GRIA4: variants seen among roughly 807,000 people sequenced by gnomAD.
GRIA4 encodes glutamate ionotropic receptor AMPA type subunit 4, also known as glutamate receptor 4.
In GRIA4, 34 loss-of-function variants were observed where a neutral mutation model predicts 104.0. The observed-to-expected ratio is 0.33, with a 90% confidence interval of 0.25 to 0.44. The LOEUF (loss-of-function observed/expected upper bound fraction) is 0.44. GRIA4 is among the 20% of genes least tolerant of loss of function. The probability of loss-of-function intolerance (pLI) is 1.00; values close to 1 mark genes in which losing one functional copy is unlikely to be tolerated. For synonymous variants in GRIA4, 386 were observed against 381.9 expected, an observed-to-expected ratio of 1.01 and a Z score of -0.13; for missense variants, 750 against 1,096.5, an observed-to-expected ratio of 0.68 and a Z score of 4.46.
At chr11:105,661,591 A>G (rs1167461810) in intron 3 of GRIA4, among the ~76,000 whole-genome samples, 1 of 151,752 alleles carries the variant, frequency 6.6e-6, no homozygotes, top group East Asian at 1.9e-4. Context: ...TCATACCTTT[A>G]AAGAAATTCA....
At chr11:105,897,823 G>A (rs963874703) in intron 6 of GRIA4, among the ~76,000 whole-genome samples, 14 of 152,120 alleles carry the variant, frequency 9.2e-5, no homozygotes, top group African/African-American at 2.9e-4. Context: ...GTATTTTGCT[G>A]AAGATTTTTA....
chr11:105,785,025 T>C (rs1461931426), intron 4 of GRIA4, among the ~76,000 whole-genome samples: 1 of 152,156 alleles, frequency 6.6e-6, no homozygotes, highest in Non-Finnish European at 1.5e-5. Flanking sequence ...ATTAAGCCCA[T>C]GCAGCGTTCC....
At chr11:105,647,019 C>A (rs1325500310) in intron 3 of GRIA4, among the ~76,000 whole-genome samples, 1 of 152,074 alleles carries the variant, frequency 6.6e-6, no homozygotes, top group Non-Finnish European at 1.5e-5. Flanking sequence ...GATCAGACAG[C>A]CTATAGAATG....
At chr11:105,715,289 T>C (rs1255608636) in intron 3 of GRIA4, among the ~76,000 whole-genome samples, 1 of 152,208 alleles carries the variant, frequency 6.6e-6, no homozygotes. Context: ...TTTTCTATTA[T>C]ATGACTACCT....
At chr11:105,823,079 T>A (rs1249139972) in intron 4 of GRIA4, among the ~76,000 whole-genome samples, 2 of 152,146 alleles carry the variant, frequency 1.3e-5, no homozygotes, top group Non-Finnish European at 2.9e-5. Flanking sequence ...TCAATCCCAT[T>A]TCATATTTCC....
chr11:105,780,476 C>G (rs746199013), intron 4 of GRIA4, among the ~76,000 whole-genome samples: 1 of 152,044 alleles, frequency 6.6e-6, no homozygotes, highest in Admixed American at 6.6e-5. Flanking sequence ...AAATTTAGCT[C>G]ACATTTCACA....
intron 14 of GRIA4, among the ~76,000 whole-genome samples, chr11:105,957,287 A>G (rs964557779): frequency 6.6e-6 from 1 of 152,112 alleles, no homozygotes; most frequent in Non-Finnish European, 1.5e-5. Flanking sequence ...TAATTTTTGT[A>G]TAAGGTGTAA....
chr11:105,771,278 T>C (rs1941196490), intron 4 of GRIA4, among the ~76,000 whole-genome samples: 1 of 152,112 alleles, frequency 6.6e-6, no homozygotes, highest in African/African-American at 2.4e-5. Context: ...GTCCAAAAGC[T>C]ATTTTGCACT....
chr11:105,736,578 CCT>C (rs1938961624), intron 3 of GRIA4, among the ~76,000 whole-genome samples: 1 of 151,944 alleles, frequency 6.6e-6, no homozygotes, highest in South Asian at 2.1e-4. Flanking sequence ...CTCATAAACA[CCT>C]GATATAAGTT....
intron 4 of GRIA4, among the ~76,000 whole-genome samples, chr11:105,764,237 A>C (rs1940826416): frequency 6.6e-6 from 1 of 152,128 alleles, no homozygotes; most frequent in South Asian, 2.1e-4. Context: ...CCTGGGTTCA[A>C]GTGATCCTCC....
At chr11:105,961,524 C>T (rs1264826494) in intron 14 of GRIA4, among the ~76,000 whole-genome samples, 2 of 152,132 alleles carry the variant, frequency 1.3e-5, no homozygotes, top group Non-Finnish European at 2.9e-5. Context: ...ATGAAGAGAG[C>T]ACTCCAGTGA....
chr11:105,868,093 T>C (rs931578343), intron 5 of GRIA4, among the ~76,000 whole-genome samples: 5 of 152,098 alleles, frequency 3.3e-5, no homozygotes, highest in African/African-American at 1.2e-4. Context: ...AACAGAGATA[T>C]TACAAAAATG....
chr11:105,935,089 G>C (rs1266326852), intron 14 of GRIA4, among the ~76,000 whole-genome samples: 2 of 152,154 alleles, frequency 1.3e-5, no homozygotes, highest in African/African-American at 4.8e-5. Flanking sequence ...AAGGGTAACT[G>C]CAATGTGCTT....
At chr11:105,653,198 A>C (rs1294200440) in intron 3 of GRIA4, among the ~76,000 whole-genome samples, 1 of 152,226 alleles carries the variant, frequency 6.6e-6, no homozygotes, top group Non-Finnish European at 1.5e-5. Context: ...GGCGTCAGCC[A>C]CCGCACCCGG....
At chr11:105,978,471 T>C (rs945163874) in intron 16 of GRIA4, among the ~76,000 whole-genome samples, 4 of 152,140 alleles carry the variant, frequency 2.6e-5, no homozygotes, top group Admixed American at 2.6e-4. Context: ...GCAATTTGAC[T>C]TCAACTTTCT....
intron 5 of GRIA4, among the ~76,000 whole-genome samples, chr11:105,866,597 C>T (rs1156815086): frequency 1.6e-5 from 2 of 125,330 alleles, no homozygotes; most frequent in Non-Finnish European, 3.2e-5. Context: ...AGGTACTATG[C>T]TCTGCTGAAG....
intron 10 of GRIA4, among the ~76,000 whole-genome samples, 173 bp downstream of exon 10, chr11:105,910,718 A>C (rs1048729509): frequency 1.3e-5 from 2 of 152,132 alleles, no homozygotes; most frequent in Admixed American, 1.3e-4. Context: ...CTTCGAGTTC[A>C]TATAGTACTT....
intron 4 of GRIA4, among the ~76,000 whole-genome samples, chr11:105,767,884 C>G (rs557372733): frequency 3.3e-5 from 5 of 152,134 alleles, no homozygotes; most frequent in East Asian, 1.9e-4. Context: ...TGCCCTTAAC[C>G]ACAACATTAT....
chr11:105,701,608 T>TA (rs1393156714), intron 3 of GRIA4, among the ~76,000 whole-genome samples: 1 of 152,162 alleles, frequency 6.6e-6, no homozygotes, highest in African/African-American at 2.4e-5. Context: ...TATTGGCTGT[T>TA]ACTTTCAGGA....
Sources: allele counts gnomAD v4.1 joint callset (sites outside exome capture counted in the v4.1 genomes callset), GRCh38; gene constraint gnomAD v4.1.1; transcripts MANE v1.5; gene names NCBI Gene and HGNC (gene_info 2026-07-23, HGNC 2026-07-21).